The following NHSL1 variants were observed in gnomAD, a reference collection of about 807,000 sequenced individuals.
The protein encoded by NHSL1 is NHS-like protein 1.
A neutral mutation model predicts 95.0 loss-of-function variants in NHSL1; 48 were observed. That is an observed-to-expected ratio of 0.51 (90% CI 0.40 to 0.64). NHSL1 has a LOEUF of 0.64. Ranked by LOEUF, NHSL1 falls within the 30% of genes least tolerant of loss-of-function variation. The pLI, the probability that NHSL1 is intolerant of heterozygous loss-of-function variation, is 0.00. For synonymous variants in NHSL1, 783 were observed against 833.9 expected, an observed-to-expected ratio of 0.94 and a Z score of 1.05; for missense variants, 1,971 against 2,077.7, an observed-to-expected ratio of 0.95 and a Z score of 1.00.
At position 138,435,155 on chromosome 6, in the gene NHSL1, AATTTTGCC is replaced by A. The variant is rs561073961; in HGVS notation, c.665-1483_665-1476del. The A allele has an allele frequency of 8.2e-4, 127 of 154,892 alleles. 1 individual carries two copies. The highest frequency in any genetic ancestry group is 2.9e-3 in the African/African-American group (120 of 41,622). The allele number at this position is 154,892 out of a possible 1,614,324, so 9.6% of individuals were successfully genotyped here. A position where few individuals can be genotyped will look rare whatever the true frequency, so the allele number is the denominator to read the frequency against. On this transcript the variant is annotated intron_variant, in intron 5 of 7. Coordinates refer to ENST00000343505, the MANE Select transcript of NHSL1 (RefSeq NM_001144060.2). The stretch of plus-strand genomic sequence containing the variant: ...AAAAACCCACTTTGAGGAAGTGCAA[AATTTTGCC>A]ATTTAGTAATTTAGAAGATGGGAAG...
chr6:138,614,772 TC>T (rs960766652), intron 1 of NHSL1, among the ~76,000 whole-genome samples: 1 of 152,118 alleles, frequency 6.6e-6, no homozygotes. Flanking sequence ...CCACCTCCTG[TC>T]GGATCAGCGG....
rs182878202 is a variant in NHSL1, at chr6:138,427,970, G to A, written c.4085+1741C>T. On this transcript the variant is annotated intron_variant, in intron 7 of 7. Coordinates refer to ENST00000343505, the MANE Select transcript of NHSL1 (RefSeq NM_001144060.2). ...TTGACTTCTCTCATACGTGCACTGA[G>A]TAACACCAACTGACCGATTTCTACA... 2.7e-3 allele frequency among the ~76,000 whole-genome samples: 417 copies of A among 152,300 alleles called. 5 individuals are homozygous for A. The highest frequency in any genetic ancestry group is 0.019 in the Admixed American group (298 of 15,302).
At chr6:138,460,534 CATTAT>C (rs1300176471) in intron 3 of NHSL1, among the ~76,000 whole-genome samples, 2 of 151,176 alleles carry the variant, frequency 1.3e-5, no homozygotes, top group African/African-American at 4.9e-5. Flanking sequence ...ATAGCATTTA[CATTAT>C]ATTAGTTATT....
At chr6:138,584,822 G>A (rs548424261) in intron 1 of NHSL1, among the ~76,000 whole-genome samples, 20 of 152,278 alleles carry the variant, frequency 1.3e-4, no homozygotes, top group African/African-American at 4.6e-4. Flanking sequence ...GGAGACTGGC[G>A]AGCACAGACG....
At chr6:138,532,060 A>T (rs1782157862) in intron 1 of NHSL1, among the ~76,000 whole-genome samples, 1 of 152,204 alleles carries the variant, frequency 6.6e-6, no homozygotes, top group Admixed American at 6.5e-5. Context: ...TATTATAGAG[A>T]ACTTCCAAGA....
chr6:138,448,023 T>C (rs1360576033), intron 3 of NHSL1, among the ~76,000 whole-genome samples: 1 of 152,230 alleles, frequency 6.6e-6, no homozygotes, highest in Non-Finnish European at 1.5e-5. Flanking sequence ...TGTGAAATTG[T>C]TAACTTATAC....
At chr6:138,615,838 A>C (rs1249713929) in intron 1 of NHSL1, among the ~76,000 whole-genome samples, 2 of 152,198 alleles carry the variant, frequency 1.3e-5, no homozygotes, top group African/African-American at 4.8e-5. Context: ...ATACCAACTG[A>C]ATGGAGGGGC....
chr6:138,663,161 A>G (rs543940184), intron 1 of NHSL1, among the ~76,000 whole-genome samples: 54 of 152,286 alleles, frequency 3.5e-4, no homozygotes, highest in African/African-American at 1.3e-3. Context: ...GGTATTAAAA[A>G]TAATGTATAG....
chr6:138,459,151 C>G (rs1405628481), intron 3 of NHSL1, among the ~76,000 whole-genome samples: 1 of 152,042 alleles, frequency 6.6e-6, no homozygotes, highest in Non-Finnish European at 1.5e-5. Context: ...CCATGCCCAG[C>G]TGATTTTTGT....
chr6:138,488,180 C>T (rs181282789), intron 2 of NHSL1, among the ~76,000 whole-genome samples: 287 of 151,856 alleles, frequency 1.9e-3, no homozygotes, highest in African/African-American at 6.4e-3. Flanking sequence ...TGGGATGCTG[C>T]GGCATGAGAA....
At chr6:138,601,085 G>C (rs374830223) in intron 1 of NHSL1, among the ~76,000 whole-genome samples, 10 of 152,236 alleles carry the variant, frequency 6.6e-5, no homozygotes, top group African/African-American at 9.6e-5. Flanking sequence ...GTATAAAATA[G>C]AATCTGGATT....
At chr6:138,666,642 T>C (rs1312610855) in intron 1 of NHSL1, among the ~76,000 whole-genome samples, 1 of 145,578 alleles carries the variant, frequency 6.9e-6, no homozygotes, top group East Asian at 2.0e-4. Context: ...TGAACAGACA[T>C]GGAAAACTGT....
At position 138,499,491 on chromosome 6, in the gene NHSL1, A is replaced by G; in HGVS notation, c.-201T>C. ...GTTACAAACCATTAACAGTCCTTGA[A>G]CCTGAAAAACTCCTACTGAAACCTA... On this transcript the variant is annotated 5_prime_UTR_variant, in exon 1 of 8. Transcript: ENST00000343505. The G allele has an allele frequency of 8.2e-7, 1 of 1,221,944 alleles. No homozygotes were observed. Among genetic ancestry groups the G allele is most frequent in the Non-Finnish European group, 1.1e-6 (1 of 938,216 alleles). The allele number at this position is 1,221,944 out of a possible 1,614,324, so 75.7% of individuals were successfully genotyped here. A position where few individuals can be genotyped will look rare whatever the true frequency, so the allele number is the denominator to read the frequency against.
At chr6:138,505,217 C>A (rs1019564872) in intron 1 of NHSL1, among the ~76,000 whole-genome samples, 4 of 152,090 alleles carry the variant, frequency 2.6e-5, no homozygotes, top group African/African-American at 9.7e-5. Flanking sequence ...AATCCAAAAA[C>A]TTTTTCACAA....
intron 1 of NHSL1, among the ~76,000 whole-genome samples, chr6:138,530,419 C>T (rs1234659095): frequency 6.6e-6 from 1 of 152,128 alleles, no homozygotes; most frequent in African/African-American, 2.4e-5. Context: ...AGTAATACCA[C>T]TATTGGATAT....
intron 2 of NHSL1, among the ~76,000 whole-genome samples, chr6:138,495,324 T>C (rs1020213928): frequency 4.6e-5 from 7 of 152,220 alleles, no homozygotes; most frequent in Admixed American, 2.6e-4. Flanking sequence ...TCCTATATTT[T>C]CTACTTGACC....
intron 1 of NHSL1, among the ~76,000 whole-genome samples, chr6:138,656,861 T>C (rs1785163574): frequency 6.6e-6 from 1 of 152,188 alleles, no homozygotes; most frequent in Non-Finnish European, 1.5e-5. Flanking sequence ...GGAGATGGAA[T>C]GTCAATTTTA....
At chr6:138,517,111 C>T (rs779655456) in intron 1 of NHSL1, among the ~76,000 whole-genome samples, 1 of 152,224 alleles carries the variant, frequency 6.6e-6, no homozygotes, top group Middle Eastern at 3.2e-3. Flanking sequence ...CCCATGCCTA[C>T]TCTTTGGCTG....
At position 138,455,530 on chromosome 6, in the gene NHSL1, G is replaced by GCCTTCACATGCTCCCTGCAAGAAGCCCCA. The variant is rs1777548366; in HGVS notation, c.340-8338_340-8337insTGGGGCTTCTTGCAGGGAGCATGTGAAGG. Among the ~76,000 whole-genome samples the GCCTTCACATGCTCCCTGCAAGAAGCCCCA allele has an allele frequency of 7.6e-5, 8 of 105,472 alleles. No homozygotes were observed. The Middle Eastern group carries it at 0.014, about 188-fold the overall frequency. 69.2% of individuals were successfully genotyped at this position (105,472 alleles called of 152,430 possible). On this transcript the variant is annotated intron_variant, in intron 3 of 7. Coordinates refer to ENST00000343505, the MANE Select transcript of NHSL1 (RefSeq NM_001144060.2). ...TCACATGCTCCCTGCAAGGAGCCCC[G>GCCTTCACATGCTCCCTGCAAGAAGCCCCA]CCTTCACATGCTCCCTGCAAGGAGC...
Sources: allele counts gnomAD v4.1 joint callset (sites outside exome capture counted in the v4.1 genomes callset), GRCh38; gene constraint gnomAD v4.1.1; transcripts MANE v1.5; gene names NCBI Gene and HGNC (gene_info 2026-07-23, HGNC 2026-07-21).